Variants in LPP observed in about 807,000 individuals in gnomAD.
LPP encodes LIM domain containing preferred translocation partner in lipoma.
In LPP, 38 loss-of-function variants were observed where a neutral mutation model predicts 60.4. That is an observed-to-expected ratio of 0.63 (90% CI 0.49 to 0.83). LPP has a LOEUF of 0.83. LPP is among the 40% of genes least tolerant of loss of function. The pLI, the probability that LPP is intolerant of heterozygous loss-of-function variation, is 0.00. For synonymous variants in LPP, 328 were observed against 290.8 expected (o/e 1.13, Z -1.30); for missense variants, 902 against 783.6 (o/e 1.15, Z -1.80).
intron 2 of LPP, among the ~76,000 whole-genome samples, chr3:188,255,205 G>T (rs62291382): frequency 0.13 from 19,246 of 152,150 alleles, 1,305 homozygotes; most frequent in African/African-American, 0.16. Context: ...TACCACATCT[G>T]CTGAAGACTC....
chr3:188,202,645 C>T (rs1560106152), intron 1 of LPP, among the ~76,000 whole-genome samples: 2 of 152,216 alleles, frequency 1.3e-5, no homozygotes, highest in Non-Finnish European at 2.9e-5. Flanking sequence ...ATGGCAGCCG[C>T]GTGCGTTCCC....
intron 9 of LPP, among the ~76,000 whole-genome samples, chr3:188,772,481 C>A (rs1391228149): frequency 6.6e-6 from 1 of 152,034 alleles, no homozygotes; most frequent in Non-Finnish European, 1.5e-5. Flanking sequence ...GGGAGGTCAC[C>A]CTTTTTTCTT....
chr3:188,618,875 A>C (rs1241008368), intron 7 of LPP, among the ~76,000 whole-genome samples: 2 of 152,160 alleles, frequency 1.3e-5, no homozygotes, highest in Non-Finnish European at 1.5e-5. Flanking sequence ...GATAAGGTGT[A>C]AGTGTGGTAG....
intron 6 of LPP, among the ~76,000 whole-genome samples, chr3:188,551,426 C>A (rs994463444): frequency 3.3e-5 from 5 of 152,070 alleles, no homozygotes; most frequent in African/African-American, 1.2e-4. Context: ...CAGAGCCAAG[C>A]CATATCACAA....
intron 9 of LPP, among the ~76,000 whole-genome samples, chr3:188,860,998 A>G (rs913162880): frequency 2.0e-5 from 3 of 152,228 alleles, no homozygotes; most frequent in Admixed American, 6.5e-5. Flanking sequence ...ATCTGTCACT[A>G]GCTGTGTTCT....
At chr3:188,715,962 ATCTTGACAT>A (rs1713811035) in intron 8 of LPP, among the ~76,000 whole-genome samples, 2 of 152,238 alleles carry the variant, frequency 1.3e-5, no homozygotes, top group African/African-American at 4.8e-5. Flanking sequence ...AGCTGTAATT[ATCTTGACAT>A]TGTTTATATG....
chr3:188,170,068 G>A (rs1003826017), intron 1 of LPP, among the ~76,000 whole-genome samples: 2 of 152,164 alleles, frequency 1.3e-5, no homozygotes, highest in African/African-American at 4.8e-5. Context: ...GGCTGATTTG[G>A]TGGAGACTCC....
chr3:188,176,197 G>A (rs1722990273), intron 1 of LPP, among the ~76,000 whole-genome samples: 2 of 152,156 alleles, frequency 1.3e-5, no homozygotes, highest in Admixed American at 1.3e-4. Context: ...TTCTGATGCT[G>A]TAAATCAGGC....
At chr3:188,467,591 G>C (rs947230604) in intron 4 of LPP, among the ~76,000 whole-genome samples, 1 of 152,254 alleles carries the variant, frequency 6.6e-6, no homozygotes, top group South Asian at 2.1e-4. Context: ...TTGTTAATCA[G>C]CTAACCTAAG....
chr3:188,824,809 AT>A (rs1754947196), intron 9 of LPP, among the ~76,000 whole-genome samples: 1 of 152,266 alleles, frequency 6.6e-6, no homozygotes, highest in South Asian at 2.1e-4. Flanking sequence ...ATCTGGCTTC[AT>A]CTGAGTTCCG....
chr3:188,647,256 T>G (rs1851273032), intron 7 of LPP, among the ~76,000 whole-genome samples: 1 of 152,222 alleles, frequency 6.6e-6, no homozygotes. Flanking sequence ...ATGCCAGCTG[T>G]GGTCCTCACA....
At chr3:188,474,961 G>C (rs566546800) in intron 4 of LPP, among the ~76,000 whole-genome samples, 1 of 152,162 alleles carries the variant, frequency 6.6e-6, no homozygotes, top group Non-Finnish European at 1.5e-5. Flanking sequence ...AGTGCTATTT[G>C]GTTCTAGTCG....
At chr3:188,339,406 T>A (rs1382356229) in intron 2 of LPP, among the ~76,000 whole-genome samples, 1 of 152,188 alleles carries the variant, frequency 6.6e-6, no homozygotes, top group Non-Finnish European at 1.5e-5. Context: ...TGGTGAAGGA[T>A]TTGTATTAGT....
intron 4 of LPP, among the ~76,000 whole-genome samples, chr3:188,439,950 A>T (rs1431749413): frequency 6.6e-6 from 1 of 152,196 alleles, no homozygotes; most frequent in Non-Finnish European, 1.5e-5. Context: ...TTTGTCTGGA[A>T]TTTATCTCAT....
intron 6 of LPP, among the ~76,000 whole-genome samples, chr3:188,541,227 G>C (rs115832338): frequency 1.3e-5 from 2 of 152,152 alleles, no homozygotes; most frequent in South Asian, 4.1e-4. Flanking sequence ...TGACCTGGAG[G>C]GCTTGTTAAA....
At chr3:188,403,714 A>C (rs1174916913) in intron 3 of LPP, among the ~76,000 whole-genome samples, 2 of 152,348 alleles carry the variant, frequency 1.3e-5, no homozygotes, top group East Asian at 3.9e-4. Flanking sequence ...TTCCAAATGA[A>C]CAGCTAAATT....
chr3:188,589,437 A>T (rs138683346), intron 6 of LPP, among the ~76,000 whole-genome samples: 1 of 152,340 alleles, frequency 6.6e-6, no homozygotes, highest in Non-Finnish European at 1.5e-5. Context: ...ATCCTGGATA[A>T]TTAGATAAAT....
At chr3:188,619,868 T>C (rs1038366747) in intron 7 of LPP, among the ~76,000 whole-genome samples, 2 of 152,174 alleles carry the variant, frequency 1.3e-5, no homozygotes, top group Non-Finnish European at 2.9e-5. Context: ...GAACAGAATA[T>C]CAAAATCAAA....
At chr3:188,166,714 T>C (rs556433544) in intron 1 of LPP, among the ~76,000 whole-genome samples, 1 of 152,356 alleles carries the variant, frequency 6.6e-6, no homozygotes, top group Admixed American at 6.5e-5. Context: ...CCTGTGCAGA[T>C]CTCTGAGTCC....
Sources: gnomAD v4.1 joint callset for allele counts (sites outside exome capture counted in the v4.1 genomes callset) on GRCh38, gnomAD v4.1.1 for gene constraint, MANE v1.5 for transcripts, NCBI Gene and HGNC (gene_info 2026-07-23, HGNC 2026-07-21) for gene names.